DNAH10: variants seen among roughly 807,000 people sequenced by gnomAD.
DNAH10 encodes dynein axonemal heavy chain 10.
In DNAH10, 348 loss-of-function variants were observed where a neutral mutation model predicts 506.6. The observed-to-expected ratio is 0.69, with a 90% CI of 0.63 to 0.75. The LOEUF (loss-of-function observed/expected upper bound fraction) is 0.75, where lower values mean the gene tolerates loss of function less well. Ranked by LOEUF, DNAH10 falls within the 30% of genes least tolerant of loss-of-function variation. The pLI, the probability that DNAH10 is intolerant of heterozygous loss-of-function variation, is 0.00. For synonymous variants in DNAH10, 2,059 were observed against 2,198.6 expected (o/e 0.94, Z 1.78); for missense variants, 5,179 against 5,787.1 (o/e 0.89, Z 3.41).
rs758677841 is a variant in DNAH10, at chr12:123,931,769, G to C, written c.13050G>C (p.Ser4350=). The change falls in exon 75 of 79, where the codon TCG becomes TCC. Residue 4350 remains serine (S), a synonymous_variant. Transcript: ENST00000673944. Reference sequence around the variant, plus strand: ...TCGGAACAGGACTCTCCCCCACTTCGGTGGTGCTCCTGCAGGAACTGGAAC... The same window carrying C: ...TCGGAACAGGACTCTCCCCCACTTCCGTGGTGCTCCTGCAGGAACTGGAAC... The part of the protein sequence containing the change: ...KRLGTGLSPT[S]VVLLQELERF... The C allele has an allele frequency of 1.2e-6, 2 of 1,614,034 alleles. No individual in the cohort carries two copies. The highest frequency in any genetic ancestry group is 1.7e-6 in the Non-Finnish European group (2 of 1,179,892).
At position 123,857,203 on chromosome 12, in the gene DNAH10, G is replaced by C. The variant is rs760307514; in HGVS notation, c.6586G>C (p.Glu2196Gln). Residue 2196 changes from glutamate to glutamine, a missense_variant, in exon 37 of 79, where the codon GAG (glutamate) becomes CAG (glutamine). Glu to Gln is a conservative substitution (Grantham distance 29, BLOSUM62 2). Transcript: ENST00000673944. ...CTACCCTGACTTCAACGATGCGGTAGAGCAGGTCCTGGAGGAGAACGGCTA... is the reference window on the plus strand; with the variant it reads ...CTACCCTGACTTCAACGATGCGGTACAGCAGGTCCTGGAGGAGAACGGCTA... ...VRYPDFNDAV[E>Q]QVLEENGYAV... is the part of the protein sequence containing the mutation. 10 of 1,606,712 alleles carry C rather than the reference G, an allele frequency of 6.2e-6. No homozygotes were observed. The African/African-American group carries it at 1.3e-4, about 22-fold the overall frequency.
chr12:123,762,664 G>C lies in DNAH10; in HGVS notation c.214+114G>C. ...CCATCGTCCGGCCCCGGCCTCAGGT[G>C]CTGTCCACAAACGCTGCCGCCCGCC... On this transcript the variant is annotated intron_variant, in intron 1 of 78. Coordinates refer to ENST00000673944, the MANE Select transcript of DNAH10 (RefSeq NM_001372106.1). The surrounding 1 kb of genome is among the most constrained non-coding windows in gnomAD (Gnocchi z 5.0). 1 of 1,162,808 alleles carries C rather than the reference G, an allele frequency of 8.6e-7. No homozygotes were observed. Among genetic ancestry groups the C allele is most frequent in the Non-Finnish European group, 1.2e-6 (1 of 858,156 alleles). 72.0% of individuals were successfully genotyped at this position (1,162,808 alleles called of 1,614,324 possible).
At chr12:123,835,560 A>T in intron 28 of DNAH10, 32 bp downstream of exon 28, 1 of 1,596,590 alleles carries the variant, frequency 6.3e-7, no homozygotes, top group Non-Finnish European at 8.5e-7. Flanking sequence ...TAGTAATGAA[A>T]GAAGGGCAGC....
chr12:123,855,677 T>TGC (rs142479194), intron 36 of DNAH10, among the ~76,000 whole-genome samples: 50 of 148,464 alleles, frequency 3.4e-4, no homozygotes, highest in East Asian at 2.7e-3. Context: ...TATATATATA[T>TGC]GCGCACCTAA....
In DNAH10 at chr12:123,870,519, A is replaced by T. The variant is rs763850386; in HGVS notation, c.7639+34A>T. ...GAGTCAAATCCTTGTTCCTGGGTTTAGGAGTGTGTGATACTCGCTCTAGGA... is the reference window on the plus strand; with the variant it reads ...GAGTCAAATCCTTGTTCCTGGGTTTTGGAGTGTGTGATACTCGCTCTAGGA... On this transcript the variant is annotated intron_variant, in intron 44 of 78. Coordinates refer to ENST00000673944, the MANE Select transcript of DNAH10 (RefSeq NM_001372106.1). 9.3e-6 allele frequency: 15 copies of T among 1,604,898 alleles called. No individual in the cohort carries two copies. In the East Asian group the frequency reaches 3.4e-4, roughly 36 times the overall value.
At position 123,931,743 on chromosome 12, in the gene DNAH10, C is replaced by T. The variant is rs373505946; in HGVS notation, c.13024C>T (p.Leu4342Phe). 20 of 1,613,922 alleles carry T rather than the reference C, an allele frequency of 1.2e-5. No homozygotes were observed. In the African/African-American group the frequency reaches 1.9e-4, roughly 15 times the overall value. Residue 4342 changes from leucine (L) to phenylalanine (F), a missense_variant, in exon 75 of 79, where the codon CTC (leucine) becomes TTC (phenylalanine). Physicochemically the swap from Leu to Phe is conservative, Grantham distance 22. This residue lies in a region of DNAH10 where 4,844 missense variants were observed against 5,430.5 expected (regional missense o/e 0.89). Transcript: ENST00000673944. The stretch of plus-strand genomic sequence containing the variant: ...TGACTTGGACCAGGTGAGGAAGCGC[C>T]TCGGAACAGGACTCTCCCCCACTTC... ...VFDLDQVRKR[L>F]GTGLSPTSVV... is the part of the protein sequence containing the mutation.
intron 28 of DNAH10, among the ~76,000 whole-genome samples, chr12:123,836,559 C>G (rs531666009): frequency 8.6e-4 from 131 of 152,310 alleles, no homozygotes; most frequent in Non-Finnish European, 1.4e-3. Flanking sequence ...GGGATTTTAA[C>G]CCAGCTCTCC....
At chr12:123,880,255 A>G (rs1952446216) in intron 50 of DNAH10, among the ~76,000 whole-genome samples, 4 of 152,186 alleles carry the variant, frequency 2.6e-5, no homozygotes, top group Admixed American at 1.3e-4. Context: ...GATGTTCAGA[A>G]AAATCTCTCT....
At chr12:123,767,542 T>C in intron 1 of DNAH10, 64 bp from the exon 2 acceptor site, 3 of 1,483,656 alleles carry the variant, frequency 2.0e-6, no homozygotes, top group South Asian at 1.2e-5. Context: ...AGCAAAGATA[T>C]CAGGTGTTTC....
intron 52 of DNAH10, among the ~76,000 whole-genome samples, chr12:123,888,262 G>T (rs1183896236): frequency 6.6e-6 from 1 of 152,124 alleles, no homozygotes; most frequent in African/African-American, 2.4e-5. Context: ...AATAGGGAAG[G>T]TACCATTAAC....
Position 123,917,333 on chromosome 12 carries a change from C to T in DNAH10, c.11003-251C>T, listed in dbSNP as rs1306962187. The stretch of plus-strand genomic sequence containing the variant: ...GGGTATACTTTAAACTATGGCACCC[C>T]AGTCCGTGGAAGCCTGGGTTTTATT... On this transcript the variant is annotated intron_variant, in intron 63 of 78. Coordinates refer to ENST00000673944, the MANE Select transcript of DNAH10 (RefSeq NM_001372106.1). The surrounding 1 kb of genome is among the most constrained non-coding windows in gnomAD (Gnocchi z 5.6). Among the ~76,000 whole-genome samples, 2 of 152,158 alleles carry T rather than the reference C, an allele frequency of 1.3e-5. No individual in the cohort carries two copies. Among genetic ancestry groups the T allele is most frequent in the African/African-American group, 2.4e-5 (1 of 41,434 alleles).
At chr12:123,933,930 C>A (rs1955342415) in intron 77 of DNAH10, 2 of 443,768 alleles carry the variant, frequency 4.5e-6, no homozygotes, top group Non-Finnish European at 7.9e-6. Flanking sequence ...AACTTCAGGT[C>A]CCTTAGACAT....
intron 36 of DNAH10, among the ~76,000 whole-genome samples, chr12:123,854,037 G>A (rs1460457510): frequency 2.1e-5 from 3 of 144,046 alleles, no homozygotes; most frequent in East Asian, 4.0e-4. Flanking sequence ...GCCACAAATC[G>A]CTTCATTCTT....
At position 123,875,296 on chromosome 12, in the gene DNAH10, A is replaced by G. The variant is rs746630560; in HGVS notation, c.8004A>G (p.Leu2668=). 3 of 1,613,424 alleles carry G rather than the reference A, an allele frequency of 1.9e-6. No individual in the cohort carries two copies. The highest frequency in any genetic ancestry group is 4.5e-5 in the East Asian group (2 of 44,882). Residue 2668 remains leucine, a synonymous_variant, in exon 47 of 79, where the codon TTA becomes TTG. Coordinates refer to ENST00000673944, the MANE Select transcript of DNAH10 (RefSeq NM_001372106.1). ...LLKLLLEKGY[L]YDRGKELNCK... ...AGCTGCTGTTGGAAAAAGGCTACTT[A>G]TATGACCGTGGGAAGGAGCTGAACT...
intron 59 of DNAH10, among the ~76,000 whole-genome samples, chr12:123,911,153 CAG>C (rs1303867680): frequency 1.5e-5 from 2 of 134,778 alleles, no homozygotes; most frequent in Admixed American, 7.5e-5. Flanking sequence ...GCCTAGGTGA[CAG>C]AGTGAGACCC....
intron 72 of DNAH10, 134 bp from the exon 73 acceptor site, chr12:123,930,268 T>TCAACAGGTTCAAGCCTTGCAGCAGC: frequency 1.2e-6 from 1 of 803,686 alleles, no homozygotes; most frequent in African/African-American, 1.8e-5. Context: ...GTTATGCAAG[T>TCAACAGGTTCAAGCCTTGCAGCAGC]CAACAGGTTC....
chr12:123,777,520 A>C (rs1297115601), intron 5 of DNAH10, among the ~76,000 whole-genome samples: 1 of 152,260 alleles, frequency 6.6e-6, no homozygotes, highest in Non-Finnish European at 1.5e-5. Flanking sequence ...GGCCCTCCCC[A>C]CTGAGCTGCC....
chr12:123,876,834 C>T (rs949834742), intron 47 of DNAH10, among the ~76,000 whole-genome samples: 1 of 151,910 alleles, frequency 6.6e-6, no homozygotes, highest in Non-Finnish European at 1.5e-5. Context: ...ATGATGGTGT[C>T]CTGTAGTCCC....
chr12:123,927,067 G>C (rs1954978223), intron 69 of DNAH10: 1 of 511,224 alleles, frequency 2.0e-6, no homozygotes, highest in Non-Finnish European at 3.4e-6. Context: ...TTTTGAGACA[G>C]GGTCTCACTC....
Sources: allele counts gnomAD v4.1 joint callset (sites outside exome capture counted in the v4.1 genomes callset), GRCh38; gene constraint gnomAD v4.1.1; regional missense constraint gnomAD v4.1.1; non-coding constraint Gnocchi (gnomAD v3.1); transcripts MANE v1.5; gene names NCBI Gene and HGNC (gene_info 2026-07-23, HGNC 2026-07-21).